The following HTR4 variants were observed in gnomAD, a reference collection of about 807,000 sequenced individuals.
HTR4 encodes 5-hydroxytryptamine (serotonin) receptor 4, G protein-coupled.
In HTR4, 16 loss-of-function variants were observed where a neutral mutation model predicts 36.8. The ratio of observed to expected loss-of-function variants is 0.43; its 90% CI spans 0.29 to 0.66. The LOEUF (loss-of-function observed/expected upper bound fraction) is 0.66. Among genes scored for constraint, HTR4 ranks in the 30% least tolerant of loss-of-function variants. The pLI, the probability that HTR4 is intolerant of heterozygous loss-of-function variation, is 0.13. For synonymous variants in HTR4, 189 were observed against 185.1 expected, an observed-to-expected ratio of 1.02 and a Z score of -0.17; for missense variants, 438 against 490.9, an observed-to-expected ratio of 0.89 and a Z score of 1.02.
intron 5 of HTR4, among the ~76,000 whole-genome samples, chr5:148,456,356 G>A (rs1019184946): frequency 4.6e-5 from 7 of 152,124 alleles, no homozygotes; most frequent in Admixed American, 1.3e-4. Flanking sequence ...TGTACACACC[G>A]CTGTTGCTGG....
At chr5:148,466,802 G>A (rs558362456) in intron 5 of HTR4, among the ~76,000 whole-genome samples, 1 of 152,288 alleles carries the variant, frequency 6.6e-6, no homozygotes, top group Admixed American at 6.5e-5. Flanking sequence ...TTAAATACAT[G>A]ATTAAGTGGT....
intron 5 of HTR4, among the ~76,000 whole-genome samples, chr5:148,512,565 G>T (rs1291584380): frequency 1.3e-5 from 2 of 152,170 alleles, no homozygotes; most frequent in African/African-American, 4.8e-5. Flanking sequence ...GTGATAGAAA[G>T]AAGCTCTGAA....
chr5:148,454,271 A>T (rs1355511706), intron 5 of HTR4, among the ~76,000 whole-genome samples: 5 of 152,246 alleles, frequency 3.3e-5, no homozygotes, highest in Admixed American at 1.3e-4. Context: ...AACATAATGT[A>T]AGAAAAACAT....
intron 1 of HTR4, among the ~76,000 whole-genome samples, chr5:148,642,567 T>C (rs897695923): frequency 6.6e-6 from 1 of 152,170 alleles, no homozygotes; most frequent in African/African-American, 2.4e-5. Context: ...ACCCGCCATA[T>C]GCACTAAAAC....
chr5:148,568,152 C>T (rs984957652), intron 2 of HTR4, among the ~76,000 whole-genome samples: 1 of 152,110 alleles, frequency 6.6e-6, no homozygotes, highest in Non-Finnish European at 1.5e-5. Context: ...ATGTTACATC[C>T]AATAGAGACC....
intron 2 of HTR4, among the ~76,000 whole-genome samples, chr5:148,567,909 G>A (rs893513527): frequency 2.6e-5 from 4 of 152,016 alleles, no homozygotes; most frequent in African/African-American, 9.7e-5. Flanking sequence ...CCCACCAATA[G>A]ATAAGTGCCA....
intron 3 of HTR4, among the ~76,000 whole-genome samples, chr5:148,549,507 A>G (rs1283592221): frequency 6.6e-6 from 1 of 152,168 alleles, no homozygotes; most frequent in Admixed American, 6.5e-5. Flanking sequence ...CACCTGATGC[A>G]TTTTAATAAG....
At chr5:148,451,437 A>T (rs1206544946) in intron 5 of HTR4, among the ~76,000 whole-genome samples, 1 of 152,098 alleles carries the variant, frequency 6.6e-6, no homozygotes, top group Non-Finnish European at 1.5e-5. Flanking sequence ...TAGAAAACCA[A>T]ATGAACTGCA....
rs1755908519 is a variant in HTR4 at position 148,481,983 on chromosome 5, T to C, written c.*1220A>G. On this transcript the variant is annotated 3_prime_UTR_variant, in exon 7 of 7. Transcript: ENST00000377888. ...AGACGGCTATAGCAGCATACTGTTG[T>C]CTTAGAAACAGAAAGAAAACTTAAA... The C allele has an allele frequency of 3.9e-6, 4 of 1,016,734 alleles. No homozygotes were observed. Among genetic ancestry groups the C allele is most frequent in the Non-Finnish European group, 4.7e-6 (4 of 850,984 alleles). The allele number at this position is 1,016,734 out of a possible 1,614,324, so 63.0% of individuals were successfully genotyped here.
intron 5 of HTR4, among the ~76,000 whole-genome samples, chr5:148,454,752 T>C (rs1755057590): frequency 6.6e-6 from 1 of 152,172 alleles, no homozygotes; most frequent in Non-Finnish European, 1.5e-5. Flanking sequence ...ATAAGACTGG[T>C]ATTATACAGA....
intron 2 of HTR4, among the ~76,000 whole-genome samples, chr5:148,566,853 C>T (rs933074356): frequency 2.0e-5 from 3 of 151,718 alleles, no homozygotes; most frequent in African/African-American, 7.3e-5. Context: ...ATGGTTATCT[C>T]TAGGTGATAT....
intron 2 of HTR4, among the ~76,000 whole-genome samples, chr5:148,618,546 C>G (rs570503671): frequency 1.1e-4 from 16 of 152,312 alleles, no homozygotes; most frequent in African/African-American, 3.8e-4. Flanking sequence ...TGTTCCTGAT[C>G]TCTTTGTGGG....
intron 2 of HTR4, among the ~76,000 whole-genome samples, chr5:148,630,716 A>G (rs1328886052): frequency 6.6e-6 from 1 of 152,140 alleles, no homozygotes; most frequent in Admixed American, 6.6e-5. Flanking sequence ...ATGACTAAAG[A>G]CACATTTATC....
At chr5:148,535,906 A>C (rs983297675) in intron 4 of HTR4, among the ~76,000 whole-genome samples, 1 of 152,306 alleles carries the variant, frequency 6.6e-6, no homozygotes. Flanking sequence ...ATTCTACACA[A>C]GAAGACCATC....
chr5:148,615,208 T>C (rs1361472109), intron 2 of HTR4, among the ~76,000 whole-genome samples: 25 of 151,924 alleles, frequency 1.6e-4, no homozygotes, highest in Non-Finnish European at 2.2e-4. Context: ...ATAAATCATG[T>C]TGCTATAAAG....
intron 1 of HTR4, among the ~76,000 whole-genome samples, chr5:148,639,032 G>A (rs1467210942): frequency 1.3e-5 from 2 of 151,994 alleles, no homozygotes; most frequent in East Asian, 3.9e-4. Flanking sequence ...GGGTGACAAA[G>A]TGAGACCCTG....
In HTR4 at chr5:148,481,786, T is replaced by A. The variant is rs1218955901; in HGVS notation, c.*1417A>T. The A allele has an allele frequency of 1.4e-6, 2 of 1,396,176 alleles. No individual in the cohort carries two copies. The highest frequency in any genetic ancestry group is 1.8e-5 in the South Asian group (1 of 56,088). The allele number at this position is 1,396,176 out of a possible 1,614,324, so 86.5% of individuals were successfully genotyped here. A position where few individuals can be genotyped will look rare whatever the true frequency, so the allele number is the denominator to read the frequency against. Reference sequence around the variant, plus strand: ...GGTTTGGCATTTACCTTCCCGGGACTTCTGCTATGGGGCATTCGCAAGAGC... The same window carrying A: ...GGTTTGGCATTTACCTTCCCGGGACATCTGCTATGGGGCATTCGCAAGAGC... On this transcript the variant is annotated 3_prime_UTR_variant, in exon 7 of 7. Transcript: ENST00000377888.
chr5:148,515,134 A>G (rs890520227), intron 5 of HTR4, among the ~76,000 whole-genome samples: 2 of 152,176 alleles, frequency 1.3e-5, no homozygotes, highest in Non-Finnish European at 1.5e-5. Context: ...TCAGAATAAT[A>G]CCTGTTTGTA....
intron 2 of HTR4, among the ~76,000 whole-genome samples, chr5:148,572,835 C>T (rs1012930035): frequency 6.6e-5 from 10 of 152,170 alleles, no homozygotes; most frequent in African/African-American, 2.2e-4. Flanking sequence ...CATGTCAGAA[C>T]ATGACAGGCC....
Sources: gnomAD v4.1 joint callset for allele counts (sites outside exome capture counted in the v4.1 genomes callset) on GRCh38, gnomAD v4.1.1 for gene constraint, MANE v1.5 for transcripts, NCBI Gene and HGNC (gene_info 2026-07-23, HGNC 2026-07-21) for gene names.